The following USH2A variants were observed in gnomAD, a reference collection of about 807,000 sequenced individuals.
USH2A encodes the protein Usher syndrome 2A (autosomal recessive, mild).
Under a neutral mutation model 538.9 loss-of-function variants are expected in USH2A, and 443 were observed. The observed-to-expected ratio is 0.82, with a 90% CI of 0.76 to 0.89. The LOEUF is 0.89. USH2A is among the 40% of genes least tolerant of loss of function. The pLI, the probability that USH2A is intolerant of heterozygous loss-of-function variation, is 0.00. For missense variants in USH2A, 6,633 were observed against 6,324.8 expected (o/e 1.05, Z -1.65); for synonymous variants, 2,413 against 2,273.5 (o/e 1.06, Z -1.75).
rs1472467234 is a variant in USH2A at position 215,629,039 on chromosome 1, AGAAG to A, written c.15298-8_15298-5del. Reference sequence around the variant, plus strand: ...GAATTTTGGTATCGGCTAACCCCTGAGAAGGAAGTTGCTGTGAGTATTTCACATA... The same window carrying A: ...GAATTTTGGTATCGGCTAACCCCTGAGAAGTTGCTGTGAGTATTTCACATA... On this transcript the variant is annotated splice_polypyrimidine_tract_variant and splice_region_variant and intron_variant, in intron 70 of 71. Transcript: ENST00000307340. 6.2e-7 allele frequency: 1 copy of A among 1,612,514 alleles called. No individual in the cohort carries two copies. Among genetic ancestry groups the A allele is most frequent in the East Asian group, 2.2e-5 (1 of 44,888 alleles).
intron 47 of USH2A, among the ~76,000 whole-genome samples, chr1:215,834,979 A>C (rs1663434321): frequency 6.6e-6 from 1 of 151,072 alleles, no homozygotes; most frequent in Admixed American, 6.6e-5. Context: ...AATTTCCATG[A>C]AGTTTTCTCC....
At chr1:216,047,163 T>A (rs1221628024) in intron 31 of USH2A, among the ~76,000 whole-genome samples, 1 of 152,136 alleles carries the variant, frequency 6.6e-6, no homozygotes, top group Non-Finnish European at 1.5e-5. Context: ...AACTCCTCTA[T>A]CATTTAGTAA....
chr1:215,880,811 C>A (rs1664885791), intron 41 of USH2A, among the ~76,000 whole-genome samples: 1 of 152,192 alleles, frequency 6.6e-6, no homozygotes, highest in South Asian at 2.1e-4. Flanking sequence ...CACTTTAAAC[C>A]ATTAATACTT....
rs761846525 is a variant in USH2A at position 215,758,688 on chromosome 1, G to A, written c.11296C>T (p.Gln3766Ter). Residue 3766 changes from glutamine to a stop codon, truncating the protein, a stop_gained, in exon 58 of 72, where the codon CAA becomes TAA. Coordinates refer to ENST00000307340, the MANE Select transcript of USH2A (RefSeq NM_206933.4). LOFTEE classifies it high-confidence loss of function. ...TCTTCTGGTGTTGACATAGGTGTTT[G>A]AACAATGTAATCATCACTAGCACTG... The part of the protein sequence containing the change: ...GSSASDDYIV[Q>*]TPMSTPEEIY... 3.7e-6 allele frequency: 6 copies of A among 1,613,730 alleles called. No individual in the cohort carries two copies. The highest frequency in any genetic ancestry group is 4.2e-6 in the Non-Finnish European group (5 of 1,179,840).
intron 4 of USH2A, among the ~76,000 whole-genome samples, chr1:216,345,592 T>G (rs554885352): frequency 6.6e-6 from 1 of 152,202 alleles, no homozygotes; most frequent in African/African-American, 2.4e-5. Flanking sequence ...CTCTGTAAAG[T>G]TCTGATTAAT....
At chr1:216,047,759 A>G (rs1242698094) in intron 31 of USH2A, among the ~76,000 whole-genome samples, 1 of 152,170 alleles carries the variant, frequency 6.6e-6, no homozygotes, top group African/African-American at 2.4e-5. Flanking sequence ...TAAATCTCCT[A>G]AAGAACTTTT....
intron 64 of USH2A, among the ~76,000 whole-genome samples, chr1:215,666,130 C>T (rs1178478911): frequency 6.6e-6 from 1 of 152,110 alleles, no homozygotes; most frequent in African/African-American, 2.4e-5. Flanking sequence ...CTTCAGAATC[C>T]CAGAATTCTG....
chr1:215,915,520 G>A (rs996136457), intron 38 of USH2A, among the ~76,000 whole-genome samples: 2 of 152,030 alleles, frequency 1.3e-5, no homozygotes, highest in African/African-American at 4.8e-5. Context: ...CTTTCTCTCT[G>A]TTTAGTAACT....
chr1:216,006,237 A>T (rs1430410403), intron 32 of USH2A, among the ~76,000 whole-genome samples: 1 of 152,194 alleles, frequency 6.6e-6, no homozygotes, highest in African/African-American at 2.4e-5. Flanking sequence ...AAGATTCTAA[A>T]TCTAAATCCT....
rs1325915133 is a variant in USH2A at position 215,643,539 on chromosome 1, T to TC, written c.14792-2806dup. The stretch of plus-strand genomic sequence containing the variant: ...ATAGATAAAATCCTTTTTTTTTTTT[T>TC]CTTAAAGACCAAGTCTTGCTCTGTT... On this transcript the variant is annotated intron_variant, in intron 67 of 71. Transcript: ENST00000307340. Among the ~76,000 whole-genome samples, 469 of 151,406 alleles carry TC rather than the reference T, an allele frequency of 3.1e-3. 3 individuals carry two copies. Among genetic ancestry groups the TC allele is most frequent in the African/African-American group, 0.011 (459 of 40,996 alleles).
intron 63 of USH2A, among the ~76,000 whole-genome samples, chr1:215,671,835 T>A (rs927331419): frequency 6.6e-6 from 1 of 151,872 alleles, no homozygotes; most frequent in Non-Finnish European, 1.5e-5. Context: ...TGAAGGAACA[T>A]CATGGAATGA....
At chr1:215,635,816 C>T (rs904214048) in intron 69 of USH2A, among the ~76,000 whole-genome samples, 6 of 152,140 alleles carry the variant, frequency 3.9e-5, no homozygotes, top group African/African-American at 9.7e-5. Context: ...GGCCTTCCAA[C>T]ATGCTGGGAT....
rs139843264 is a variant in USH2A, at chr1:216,312,652, T to G, written c.1644+9231A>C. Among the ~76,000 whole-genome samples, 8 of 152,282 alleles carry G rather than the reference T, an allele frequency of 5.3e-5. No individual in the cohort carries two copies. The East Asian group carries it at 1.5e-3, about 29-fold the overall frequency. ...TTTCTTTTTGCTTCTTTGTCAGAAT[T>G]TTTATCTTTCAGCTTATATTGCCAT... On this transcript the variant is annotated intron_variant, in intron 9 of 71. Transcript: ENST00000307340.
chr1:216,116,380 C>T (rs2033009783), intron 21 of USH2A, among the ~76,000 whole-genome samples: 1 of 151,714 alleles, frequency 6.6e-6, no homozygotes, highest in African/African-American at 2.4e-5. Context: ...AATAAAATTC[C>T]ACTAACTTGA....
At position 215,759,843 on chromosome 1, in the gene USH2A, C is replaced by T. The variant is rs1558086029; in HGVS notation, c.11048G>A (p.Gly3683Glu). 2 of 1,613,908 alleles carry T rather than the reference C, an allele frequency of 1.2e-6. No homozygotes were observed. The highest frequency in any genetic ancestry group is 1.7e-5 in the Admixed American group (1 of 60,004). ...AATGTGTCGAGGTGTCACCCAAACTCCTGGCAAGAATAACGCAATGAGGTT... is the reference window on the plus strand; with the variant it reads ...AATGTGTCGAGGTGTCACCCAAACTTCTGGCAAGAATAACGCAATGAGGTT... ...LGQTLQAAPE[G>E]VWVTPRHIII... The change falls in exon 57 of 72, where the codon GGA (glycine) becomes GAA (glutamate). Residue 3683 changes from glycine to glutamate, a missense_variant and splice_region_variant. By Grantham distance (98) the Gly-to-Glu change is moderately conservative (BLOSUM62 -2). Coordinates refer to ENST00000307340, the MANE Select transcript of USH2A (RefSeq NM_206933.4).
At chr1:215,726,519 A>C (rs577246473) in intron 61 of USH2A, among the ~76,000 whole-genome samples, 2 of 152,222 alleles carry the variant, frequency 1.3e-5, no homozygotes, top group Non-Finnish European at 2.9e-5. Context: ...GTTTAATGAA[A>C]ATATATTTGC....
intron 4 of USH2A, among the ~76,000 whole-genome samples, chr1:216,350,803 G>A (rs1015611721): frequency 2.0e-5 from 3 of 152,156 alleles, no homozygotes; most frequent in Admixed American, 2.0e-4. Flanking sequence ...CTGGAGTATG[G>A]TGGCCCTCTT....
chr1:216,040,454 C>T (rs1467019224), intron 32 of USH2A, among the ~76,000 whole-genome samples: 1 of 152,014 alleles, frequency 6.6e-6, no homozygotes, highest in Admixed American at 6.6e-5. Flanking sequence ...TTGGTGGAGA[C>T]TTGTCCTGAT....
At chr1:216,082,398 C>A (rs946538862) in intron 26 of USH2A, among the ~76,000 whole-genome samples, 58 of 147,176 alleles carry the variant, frequency 3.9e-4, no homozygotes, top group African/African-American at 1.5e-3. Context: ...TTAATAAATA[C>A]TATGAAGGGA....
Sources: allele counts gnomAD v4.1 joint callset (sites outside exome capture counted in the v4.1 genomes callset), GRCh38; gene constraint gnomAD v4.1.1; transcripts MANE v1.5; gene names NCBI Gene and HGNC (gene_info 2026-07-23, HGNC 2026-07-21).